Variants in PTPN3 observed in about 807,000 individuals in gnomAD.
PTPN3 encodes tyrosine-protein phosphatase non-receptor type 3.
PTPN3 carries 96 observed loss-of-function variants against 132.7 expected under a neutral mutation model. That is an observed-to-expected ratio of 0.72 (90% CI 0.61 to 0.86). The LOEUF (loss-of-function observed/expected upper bound fraction) is 0.86, where lower values mean the gene tolerates loss of function less well. Among genes scored for constraint, PTPN3 ranks in the 40% least tolerant of loss-of-function variants. The pLI, the probability that PTPN3 is intolerant of heterozygous loss-of-function variation, is 0.00. For synonymous variants in PTPN3, 398 were observed against 429.0 expected (o/e 0.93, Z 0.89); for missense variants, 1,125 against 1,159.6 (o/e 0.97, Z 0.43).
At chr9:109,404,172 G>A (rs1222538327) in intron 19 of PTPN3, among the ~76,000 whole-genome samples, 1 of 152,182 alleles carries the variant, frequency 6.6e-6, no homozygotes, top group Non-Finnish European at 1.5e-5. Flanking sequence ...AAGAGGGTGA[G>A]ACAGAGTTCA....
Position 109,463,405 on chromosome 9 carries a change from T to C in PTPN3, c.30A>G (p.Gly10=). Residue 10 remains glycine (G), a synonymous_variant, in exon 2 of 26, where the codon GGA becomes GGG. Coordinates refer to ENST00000374541, the MANE Select transcript of PTPN3 (RefSeq NM_002829.4). Reference sequence around the variant, plus strand: ...CCGAGGTGCGTATATTATTAATTCTTCCACCCAACGCACGTAACCGGGAGG... The same window carrying C: ...CCGAGGTGCGTATATTATTAATTCTCCCACCCAACGCACGTAACCGGGAGG... MTSRLRALG[G]RINNIRTSEL... 1 of 1,612,618 alleles carries C rather than the reference T, an allele frequency of 6.2e-7. No homozygotes were observed. Among genetic ancestry groups the C allele is most frequent in the Non-Finnish European group, 8.5e-7 (1 of 1,179,674 alleles).
At chr9:109,450,357 T>C in intron 5 of PTPN3, 1 of 985,032 alleles carries the variant, frequency 1.0e-6, no homozygotes, top group African/African-American at 1.7e-5. Context: ...TGTTCTCTCC[T>C]CCTACAATGC....
chr9:109,469,126 C>A (rs1468480808), intron 1 of PTPN3, among the ~76,000 whole-genome samples: 1 of 152,186 alleles, frequency 6.6e-6, no homozygotes, highest in Non-Finnish European at 1.5e-5. Context: ...GGTTGGGTAA[C>A]AGGGCTGCTA....
chr9:109,410,496 G>A, intron 14 of PTPN3, 81 bp from the exon 15 acceptor site: 2 of 1,434,758 alleles, frequency 1.4e-6, no homozygotes, highest in Non-Finnish European at 1.9e-6. Context: ...TAGGGGCCTG[G>A]CAGCTGGGGG....
intron 5 of PTPN3, chr9:109,450,190 T>C: frequency 1.0e-6 from 1 of 985,310 alleles, no homozygotes; most frequent in Admixed American, 6.1e-5. Flanking sequence ...ACCCACAATG[T>C]ATTGAACACC....
intron 13 of PTPN3, among the ~76,000 whole-genome samples, 197 bp downstream of exon 13, chr9:109,422,521 G>C (rs1340815416): frequency 6.6e-6 from 1 of 152,162 alleles, no homozygotes; most frequent in Non-Finnish European, 1.5e-5. Flanking sequence ...TTTAAAAAGA[G>C]CATCTCAGCA....
chr9:109,419,891 A>T (rs775965210), intron 14 of PTPN3, among the ~76,000 whole-genome samples: 3 of 152,222 alleles, frequency 2.0e-5, no homozygotes, highest in Non-Finnish European at 4.4e-5. Context: ...AGGACATAAA[A>T]ATTTAACAAA....
chr9:109,534,384 G>C, the PTPN3 span: 1 of 1,464,542 alleles, frequency 6.8e-7, no homozygotes, highest in Admixed American at 2.4e-5. Flanking sequence ...GCTCCTCCCG[G>C]GGTGTGATGG....
At chr9:109,423,344 C>T (rs1021582849) in intron 12 of PTPN3, among the ~76,000 whole-genome samples, 2 of 152,200 alleles carry the variant, frequency 1.3e-5, no homozygotes, top group Admixed American at 6.5e-5. Flanking sequence ...GTGGCTCATG[C>T]CTGCAATCCC....
chr9:109,520,175 A>G, the PTPN3 span, among the ~76,000 whole-genome samples: 14 of 146,282 alleles, frequency 9.6e-5, no homozygotes, highest in African/African-American at 3.3e-4. Context: ...AAAAAAAAAG[A>G]AATGCCTCCA....
intron 16 of PTPN3, 37 bp downstream of exon 16, chr9:109,409,962 C>T (rs993150466): frequency 6.2e-7 from 1 of 1,607,454 alleles, no homozygotes; most frequent in Non-Finnish European, 8.5e-7. Context: ...AAGATTGCTT[C>T]CCAGCACAAA....
chr9:109,530,896 C>G, the PTPN3 span, among the ~76,000 whole-genome samples: 1 of 151,918 alleles, frequency 6.6e-6, no homozygotes, highest in East Asian at 1.9e-4. Context: ...TAGTACTTTG[C>G]CTATTTTTGA....
intron 10 of PTPN3, chr9:109,429,038 A>C: frequency 1.3e-5 from 13 of 985,446 alleles, no homozygotes; most frequent in Non-Finnish European, 1.6e-5. Context: ...GGAGCAGCTG[A>C]AAGAGGACAG....
chr9:109,398,278 C>T (rs994028057), intron 19 of PTPN3, among the ~76,000 whole-genome samples: 7 of 152,188 alleles, frequency 4.6e-5, no homozygotes, highest in East Asian at 1.9e-4. Flanking sequence ...GAATGAGACT[C>T]GGTCTAAAGG....
intron 10 of PTPN3, among the ~76,000 whole-genome samples, chr9:109,431,460 T>C (rs1843659555): frequency 6.6e-6 from 1 of 152,212 alleles, no homozygotes; most frequent in African/African-American, 2.4e-5. Flanking sequence ...TGCCCTCTGC[T>C]TAGCCTGATC....
intron 5 of PTPN3, among the ~76,000 whole-genome samples, chr9:109,452,266 C>CAAAAAAA (rs1158259516): frequency 1.4e-5 from 1 of 71,656 alleles, no homozygotes; most frequent in African/African-American, 5.4e-5. Context: ...AGCTCCGTCT[C>CAAAAAAA]AAAAAAAAAA....
At chr9:109,450,135 A>C in intron 5 of PTPN3, 1 of 984,590 alleles carries the variant, frequency 1.0e-6, no homozygotes, top group Non-Finnish European at 1.2e-6. Flanking sequence ...AAAGCTTAGG[A>C]TCCATGTCGT....
At chr9:109,483,940 A>G (rs1336824703) in intron 1 of PTPN3, among the ~76,000 whole-genome samples, 1 of 152,222 alleles carries the variant, frequency 6.6e-6, no homozygotes, top group Non-Finnish European at 1.5e-5. Flanking sequence ...AGTGCCTGTT[A>G]GAAATGCAGT....
intron 2 of PTPN3, among the ~76,000 whole-genome samples, chr9:109,462,629 T>C (rs1219164277): frequency 1.3e-5 from 2 of 151,900 alleles, no homozygotes; most frequent in African/African-American, 4.8e-5. Flanking sequence ...GTGGGCACCA[T>C]AGGCAGCCAT....
Sources: allele counts gnomAD v4.1 joint callset (sites outside exome capture counted in the v4.1 genomes callset), GRCh38; gene constraint gnomAD v4.1.1; transcripts MANE v1.5; gene names NCBI Gene and HGNC (gene_info 2026-07-23, HGNC 2026-07-21).